Variants in SETD1A observed in about 807,000 individuals in gnomAD.
The protein encoded by SETD1A is histone-lysine N-methyltransferase SETD1A.
Under a neutral mutation model 149.9 loss-of-function variants are expected in SETD1A, and 29 were observed. The ratio of observed to expected loss-of-function variants is 0.19; its 90% CI spans 0.14 to 0.26. The LOEUF (loss-of-function observed/expected upper bound fraction) is 0.26. SETD1A is among the 10% of genes least tolerant of loss of function. The probability of loss-of-function intolerance (pLI) is 1.00; values close to 1 mark genes in which losing one functional copy is unlikely to be tolerated. For synonymous variants in SETD1A, 1,141 were observed against 968.5 expected, an observed-to-expected ratio of 1.18 and a Z score of -3.31; for missense variants, 2,109 against 2,353.1, an observed-to-expected ratio of 0.90 and a Z score of 2.15.
rs777235392 is a variant in SETD1A, at chr16:30,980,692, C to T, written c.4581+35C>T. The T allele has an allele frequency of 6.2e-7, 1 of 1,611,070 alleles. No individual in the cohort carries two copies. The highest frequency in any genetic ancestry group is 8.5e-7 in the Non-Finnish European group (1 of 1,179,100). ...ACCCCGCCGCCGCGTCCTCCTGCCA[C>T]TCACTTCCCTGCCCTGCTCACCTCC... On this transcript the variant is annotated intron_variant, in intron 15 of 18. Transcript: ENST00000262519. This position sits in a 1 kb window ranked among gnomAD's most constrained non-coding sequence, Gnocchi z 7.7.
chr16:30,968,527 G>A (rs572648566), intron 10 of SETD1A, among the ~76,000 whole-genome samples: 10 of 151,958 alleles, frequency 6.6e-5, no homozygotes, highest in African/African-American at 2.4e-4. Flanking sequence ...TTAAGGCCAG[G>A]CAGGGTGGAG....
In SETD1A at chr16:30,980,647, T is replaced by C. The variant is rs138635968; in HGVS notation, c.4571T>C (p.Val1524Ala). The change falls in exon 15 of 19, where the codon GTG becomes GCG. Residue 1524 changes from valine to alanine, a missense_variant. Val to Ala is a moderately conservative substitution (Grantham distance 64, BLOSUM62 0). Transcript: ENST00000262519. The surrounding 1 kb of genome is among the most constrained non-coding windows in gnomAD (Gnocchi z 7.7). ...CPVSARQLEG[V>A]DTQGTNRVLS... Reference sequence around the variant, plus strand: ...GTCTCGGCCCGGCAGCTGGAGGGCGTGGACACTCAGGTGGGCCTAACCCCG... The same window carrying C: ...GTCTCGGCCCGGCAGCTGGAGGGCGCGGACACTCAGGTGGGCCTAACCCCG... 6.2e-7 allele frequency: 1 copy of C among 1,612,786 alleles called. No individual in the cohort carries two copies. The highest frequency in any genetic ancestry group is 8.5e-7 in the Non-Finnish European group (1 of 1,179,882).
chr16:30,970,430 G>C (rs977570416), intron 12 of SETD1A, among the ~76,000 whole-genome samples: 3 of 151,948 alleles, frequency 2.0e-5, no homozygotes, highest in African/African-American at 2.4e-5. Flanking sequence ...ACCACACCTG[G>C]CTAATTTTTG....
chr16:30,964,844 G>A lies in SETD1A; in HGVS notation c.1102G>A (p.Ala368Thr), dbSNP rs1314385016. Reference protein sequence around the residue: ...QFRSSDANYPAYYESWNRYQR... With the variant: ...QFRSSDANYPTYYESWNRYQR... The stretch of plus-strand genomic sequence containing the variant: ...TCGTAGTTCTGATGCAAACTACCCA[G>A]CGTATTATGAAAGCTGGAATCGCTA... Residue 368 changes from alanine (A) to threonine (T), a missense_variant, in exon 7 of 19, where the codon GCG (alanine) becomes ACG (threonine). Transcript: ENST00000262519. 4 of 1,614,188 alleles carry A rather than the reference G, an allele frequency of 2.5e-6. No individual in the cohort carries two copies. The highest frequency in any genetic ancestry group is 3.3e-5 in the Admixed American group (2 of 60,030).
At chr16:30,982,103 A>G (rs2056386666) in intron 17 of SETD1A, among the ~76,000 whole-genome samples, 1 of 152,212 alleles carries the variant, frequency 6.6e-6, no homozygotes, top group Admixed American at 6.5e-5. Context: ...TCGCAGGCCC[A>G]GACAAGTGGT....
In SETD1A at chr16:30,980,211, C is replaced by T. The variant is rs372019003; in HGVS notation, c.4408+17C>T. On this transcript the variant is annotated intron_variant, in intron 14 of 18. Transcript: ENST00000262519. This position sits in a 1 kb window ranked among gnomAD's most constrained non-coding sequence, Gnocchi z 7.7. ...ATCACACAAATATCCTGAGTGTGGG[C>T]GGCCTTCCCCGGGCTTGGGTCCTCC... 5.1e-5 allele frequency: 80 copies of T among 1,576,638 alleles called. No individual in the cohort carries two copies. Among genetic ancestry groups the T allele is most frequent in the Middle Eastern group, 1.7e-4 (1 of 5,870 alleles).
intron 10 of SETD1A, 64 bp downstream of exon 10, chr16:30,967,652 G>A: frequency 6.9e-7 from 1 of 1,448,326 alleles, no homozygotes; most frequent in Non-Finnish European, 9.7e-7. Context: ...AGAGCAAGAG[G>A]TAGGGATGAA....
rs1443067399 is a variant in SETD1A at position 30,971,709 on chromosome 16, A to G, written c.3348A>G (p.Ala1116=). 5.7e-6 allele frequency: 9 copies of G among 1,568,836 alleles called. No individual in the cohort carries two copies. In the South Asian group the frequency reaches 9.4e-5, roughly 16 times the overall value. ...TPLPEQEASP[A]RPAGPTEESP... ...TGCCCGAACAGGAGGCGTCTCCAGC[A>G]AGGCCTGCAGGTAGGTGCCACAGGG... Residue 1116 remains alanine, a synonymous_variant, in exon 13 of 19, where the codon GCA becomes GCG. Transcript: ENST00000262519.
Position 30,963,434 on chromosome 16 carries a change from A to G in SETD1A, c.519A>G (p.Gly173=), listed in dbSNP as rs769850542. Residue 173 remains glycine, a splice_region_variant and synonymous_variant, in exon 5 of 19, where the codon GGA becomes GGG. Coordinates refer to ENST00000262519, the MANE Select transcript of SETD1A (RefSeq NM_014712.3). The stretch of plus-strand genomic sequence containing the variant: ...TGGTTCCCATTTCCCTCCCTCCAGG[A>G]CAACAACGAATGAAATACTATGAAC... ...NIIHAQLDIK[G]QQRMKYYELI... 8.1e-6 allele frequency: 13 copies of G among 1,603,972 alleles called. No homozygotes were observed. The highest frequency in any genetic ancestry group is 1.7e-5 in the Admixed American group (1 of 58,824).
At chr16:30,972,095 T>G (rs199687631) in intron 13 of SETD1A, among the ~76,000 whole-genome samples, 5 of 152,352 alleles carry the variant, frequency 3.3e-5, no homozygotes, top group East Asian at 3.9e-4. Flanking sequence ...AAAACAAGTA[T>G]TAACATAACA....
rs370704431 is a variant in SETD1A, at chr16:30,979,557, C to T, written c.3771C>T (p.Ala1257=). 58 of 1,609,200 alleles carry T rather than the reference C, an allele frequency of 3.6e-5. No individual in the cohort carries two copies. Among genetic ancestry groups the T allele is most frequent in the South Asian group, 6.6e-5 (6 of 90,868 alleles). Residue 1257 remains alanine, a synonymous_variant, in exon 14 of 19, where the codon GCC becomes GCT. Transcript: ENST00000262519. Reference sequence around the variant, plus strand: ...CAGAGGTGGACCTGGCGGTCCTGGCCGACCTGGCCCTGACCCCTGCCCGGC... The same window carrying T: ...CAGAGGTGGACCTGGCGGTCCTGGCTGACCTGGCCCTGACCCCTGCCCGGC... ...PGTEVDLAVL[A]DLALTPARRG...
rs746919913 is a variant in SETD1A at position 30,964,780 on chromosome 16, GTCC to G, written c.1044_1046del (p.Ser357del). On this transcript the variant is annotated inframe_deletion, in exon 7 of 19. Transcript: ENST00000262519. ...CCGCCTCTTCCTCCTCATTGTCCTC[GTCC>G]TCCTCGTCATCCTCTTCCTCCTCGT... 20 of 1,614,060 alleles carry G rather than the reference GTCC, an allele frequency of 1.2e-5. No homozygotes were observed. The Admixed American group carries it at 3.3e-4, about 27-fold the overall frequency.
chr16:30,971,679 A>T lies in SETD1A; in HGVS notation c.3318A>T (p.Thr1106=), dbSNP rs764769550. ...AAAGGGTTGCAGGCTCCCCAGTCAC[A>T]CCCCTGCCCGAACAGGAGGCGTCTC... ...VPERVAGSPV[T]PLPEQEASPA... Residue 1106 remains threonine (T), a synonymous_variant, in exon 13 of 19, where the codon ACA becomes ACT. Coordinates refer to ENST00000262519, the MANE Select transcript of SETD1A (RefSeq NM_014712.3). 9 of 1,593,264 alleles carry T rather than the reference A, an allele frequency of 5.6e-6. No homozygotes were observed. The highest frequency in any genetic ancestry group is 1.3e-5 in the African/African-American group (1 of 74,246).
chr16:30,978,767 T>C (rs922684296), intron 13 of SETD1A, among the ~76,000 whole-genome samples: 4 of 152,212 alleles, frequency 2.6e-5, no homozygotes, highest in Non-Finnish European at 5.9e-5. Flanking sequence ...GGCTGGGGCC[T>C]GGGCACAGGG....
chr16:30,983,593 A>T lies in SETD1A; in HGVS notation c.4813-42A>T. ...CTGGCAGGCGTGCTCAGGGGCAGGAAGTGGGGGACTCTTCCCTGACCATCG... is the reference window on the plus strand; with the variant it reads ...CTGGCAGGCGTGCTCAGGGGCAGGATGTGGGGGACTCTTCCCTGACCATCG... On this transcript the variant is annotated intron_variant, in intron 17 of 18. Coordinates refer to ENST00000262519, the MANE Select transcript of SETD1A (RefSeq NM_014712.3). The surrounding 1 kb of genome is among the most constrained non-coding windows in gnomAD (Gnocchi z 6.8). 1 of 1,593,910 alleles carries T rather than the reference A, an allele frequency of 6.3e-7. No homozygotes were observed. The highest frequency in any genetic ancestry group is 1.3e-5 in the African/African-American group (1 of 74,858).
intron 12 of SETD1A, among the ~76,000 whole-genome samples, chr16:30,970,001 C>G (rs548093316): frequency 1.3e-5 from 2 of 152,028 alleles, no homozygotes; most frequent in Admixed American, 1.3e-4. Context: ...GAGTTTCGCT[C>G]TTGTCGCCCA....
chr16:30,970,007 G>A (rs1366618397), intron 12 of SETD1A, among the ~76,000 whole-genome samples: 2 of 151,910 alleles, frequency 1.3e-5, no homozygotes, highest in African/African-American at 2.4e-5. Flanking sequence ...CGCTCTTGTC[G>A]CCCAGGCTGG....
chr16:30,965,325 G>T lies in SETD1A; in HGVS notation c.1583G>T (p.Ser528Ile). 6.2e-7 allele frequency: 1 copy of T among 1,614,244 alleles called. No individual in the cohort carries two copies. Among genetic ancestry groups the T allele is most frequent in the Non-Finnish European group, 8.5e-7 (1 of 1,180,048 alleles). ...SMVLGARDTG[S>I]EVPSGSGHGP... ...GTCCTTGGGGCCAGAGATACAGGGA[G>T]TGAGGTGCCTTCTGGGTCAGGGCAT... The change falls in exon 7 of 19, where the codon AGT (serine) becomes ATT (isoleucine). Residue 528 changes from serine (S) to isoleucine (I), a missense_variant. This residue lies in a region of SETD1A where 431 missense variants were observed against 388.6 expected (regional missense o/e 1.11). Coordinates refer to ENST00000262519, the MANE Select transcript of SETD1A (RefSeq NM_014712.3).
chr16:30,980,495 G>C lies in SETD1A; in HGVS notation c.4419G>C (p.Leu1473=). 1 of 1,613,454 alleles carries C rather than the reference G, an allele frequency of 6.2e-7. No individual in the cohort carries two copies. The highest frequency in any genetic ancestry group is 8.5e-7 in the Non-Finnish European group (1 of 1,179,674). The change falls in exon 15 of 19, where the codon CTG becomes CTC. Residue 1473 remains leucine (L), a synonymous_variant. Coordinates refer to ENST00000262519, the MANE Select transcript of SETD1A (RefSeq NM_014712.3). The surrounding 1 kb of genome is among the most constrained non-coding windows in gnomAD (Gnocchi z 7.7). ...THWVHHTITN[L]TTPKRKRRPQ... ...CTTAACACCCTGCACTCACCAACCT[G>C]ACCACCCCAAAACGCAAGCGGCGGC...
Sources: gnomAD v4.1 joint callset for allele counts (sites outside exome capture counted in the v4.1 genomes callset) on GRCh38, gnomAD v4.1.1 for gene constraint, gnomAD v4.1.1 regional missense constraint, Gnocchi (gnomAD v3.1) non-coding constraint, MANE v1.5 for transcripts, NCBI Gene and HGNC (gene_info 2026-07-23, HGNC 2026-07-21) for gene names.